The following NISCH variants were observed in gnomAD, a reference collection of about 807,000 sequenced individuals.
The protein encoded by NISCH is I-1 receptor candidate protein.
A neutral mutation model predicts 138.4 loss-of-function variants in NISCH; 55 were observed. The observed-to-expected ratio is 0.40, with a 90% confidence interval of 0.32 to 0.50. The LOEUF is 0.50. NISCH is among the 20% of genes least tolerant of loss of function. NISCH has a pLI of 0.71. For missense variants in NISCH, 1,643 were observed against 2,005.5 expected (o/e 0.82, Z 3.45); for synonymous variants, 860 against 861.5 (o/e 1.00, Z 0.03).
At chr3:52,476,396 G>C (rs569263332) in intron 7 of NISCH, 51 bp from the exon 8 acceptor site, 1 of 1,600,760 alleles carries the variant, frequency 6.2e-7, no homozygotes, top group East Asian at 2.2e-5. Flanking sequence ...TTCCCAGTGA[G>C]TGTTGCGTGA....
At chr3:52,458,941 G>A in intron 3 of NISCH, 97 bp downstream of exon 3, 1 of 1,092,496 alleles carries the variant, frequency 9.2e-7, no homozygotes, top group Non-Finnish European at 1.3e-6. Flanking sequence ...GAGGTGGGCT[G>A]GGGTTTGACC....
Position 52,488,403 on chromosome 3 carries a change from G to T in NISCH, c.2911G>T (p.Val971Leu). 6.2e-7 allele frequency: 1 copy of T among 1,613,824 alleles called. No homozygotes were observed. The highest frequency in any genetic ancestry group is 8.5e-7 in the Non-Finnish European group (1 of 1,180,016). ...QPRGAFADGH[V>L]LELLVGYRFV... is the part of the protein sequence containing the mutation. The stretch of plus-strand genomic sequence containing the variant: ...TCGGGGCGCCTTTGCTGATGGCCAC[G>T]TGCTAGAGCTGCTCGTGGGGTACCG... The change falls in exon 16 of 21, where the codon GTG (valine) becomes TTG (leucine). Residue 971 changes from valine (V) to leucine (L), a missense_variant. Physicochemically the swap from Val to Leu is conservative, Grantham distance 32. Coordinates refer to ENST00000345716, the MANE Select transcript of NISCH (RefSeq NM_007184.4).
At chr3:52,465,375 C>T (rs140011077) in intron 3 of NISCH, among the ~76,000 whole-genome samples, 1 of 152,326 alleles carries the variant, frequency 6.6e-6, no homozygotes, top group East Asian at 1.9e-4. Context: ...AGTGATCCAC[C>T]CACCTCGGCC....
At chr3:52,471,742 G>GGT (rs1706953911) in intron 4 of NISCH, 72 bp from the exon 5 acceptor site, 1 of 1,567,564 alleles carries the variant, frequency 6.4e-7, no homozygotes, top group Admixed American at 1.7e-5. Context: ...TGACAGAAAA[G>GGT]GTGGAAATCC....
chr3:52,490,078 GA>G lies in NISCH; in HGVS notation c.3464del (p.Asn1155ThrfsTer4). The G allele has an allele frequency of 6.2e-7, 1 of 1,613,558 alleles. No individual in the cohort carries two copies. The highest frequency in any genetic ancestry group is 8.5e-7 in the Non-Finnish European group (1 of 1,179,988). On this transcript the variant is annotated frameshift_variant, in exon 18 of 21. Transcript: ENST00000345716. LOFTEE classifies it high-confidence loss of function. ...ELFHSSIAEV[E>X]NEELRHLMWS... ...ACAGGAGGCCCCCCGTCTTCAGGTT[GA>G]AAACGAGGAGCTGAGGCACCTCATG...
At chr3:52,462,988 T>A (rs746594932) in intron 3 of NISCH, among the ~76,000 whole-genome samples, 4 of 152,226 alleles carry the variant, frequency 2.6e-5, no homozygotes, top group Non-Finnish European at 5.9e-5. Context: ...TAAAATTAAC[T>A]TTTTAATGTG....
chr3:52,478,006 G>T (rs983372809), intron 9 of NISCH, 91 bp from the exon 10 acceptor site: 1 of 1,355,424 alleles, frequency 7.4e-7, no homozygotes, highest in Non-Finnish European at 1.0e-6. Flanking sequence ...GGGTAGTTTG[G>T]GTTGGAAGGC....
chr3:52,478,142 T>A lies in NISCH; in HGVS notation c.1033T>A (p.Ser345Thr), dbSNP rs1461693215. 6.2e-7 allele frequency: 1 copy of A among 1,614,066 alleles called. No individual in the cohort carries two copies. The highest frequency in any genetic ancestry group is 8.5e-7 in the Non-Finnish European group (1 of 1,180,000). Residue 345 changes from serine to threonine, a missense_variant, in exon 10 of 21, where the codon TCC becomes ACC. By Grantham distance (58) the Ser-to-Thr change is moderately conservative. Coordinates refer to ENST00000345716, the MANE Select transcript of NISCH (RefSeq NM_007184.4). ...VHLDLSYNKL[S>T]SLEGLHTKLG... ...TCTGGACCTGTCCTACAACAAGCTC[T>A]CCTCCTTGGAAGGGCTTCACACCAA... is the stretch of plus-strand genomic sequence containing the variant.
At chr3:52,471,503 A>G (rs1345955181) in intron 4 of NISCH, 1 of 484,108 alleles carries the variant, frequency 2.1e-6, no homozygotes, top group Non-Finnish European at 3.7e-6. Context: ...GTCACCCAGA[A>G]TGCTGTCCCT....
chr3:52,468,316 C>T (rs1706845177), intron 3 of NISCH, among the ~76,000 whole-genome samples: 1 of 152,062 alleles, frequency 6.6e-6, no homozygotes, highest in South Asian at 2.1e-4. Flanking sequence ...CGTGGGGAAC[C>T]CTTTCTCCTG....
At chr3:52,464,656 C>T (rs911496107) in intron 3 of NISCH, among the ~76,000 whole-genome samples, 5 of 150,706 alleles carry the variant, frequency 3.3e-5, no homozygotes, top group Non-Finnish European at 7.4e-5. Flanking sequence ...TCCCAAGTAG[C>T]TGGGACTACA....
At chr3:52,480,132 G>A in intron 12 of NISCH, 52 bp from the exon 13 acceptor site, 1 of 1,605,682 alleles carries the variant, frequency 6.2e-7, no homozygotes, top group Non-Finnish European at 8.5e-7. Flanking sequence ...TGGCCTTGGG[G>A]AGCTCTGTGC....
intron 11 of NISCH, 133 bp downstream of exon 11, chr3:52,478,710 C>T: frequency 1.3e-6 from 1 of 792,886 alleles, no homozygotes; most frequent in Non-Finnish European, 2.0e-6. Flanking sequence ...CCCTTAGGGG[C>T]TTTTCAGTTC....
rs775683255 is a variant in NISCH at position 52,488,456 on chromosome 3, C to T, written c.2964C>T (p.Pro988=). Residue 988 remains proline (P), a synonymous_variant, in exon 16 of 21, where the codon CCC becomes CCT. Transcript: ENST00000345716. The part of the protein sequence containing the change: ...YRFVTAIFVL[P]HEKFHFLRVY... ...TTGTCACTGCCATCTTCGTGCTGCC[C>T]CACGAGAAGTTCCACTTCCTGCGCG... 3.7e-6 allele frequency: 6 copies of T among 1,613,690 alleles called. No individual in the cohort carries two copies. Among genetic ancestry groups the T allele is most frequent in the Non-Finnish European group, 5.1e-6 (6 of 1,180,010 alleles).
chr3:52,484,462 T>TTGGCGCCCCCCCC, intron 13 of NISCH, 51 bp from the exon 14 acceptor site: 1 of 788,670 alleles, frequency 1.3e-6, no homozygotes, highest in Non-Finnish European at 1.8e-6. Flanking sequence ...ACAGCCGCTC[T>TTGGCGCCCCCCCC]CCCCGCCCCA....
Position 52,492,236 on chromosome 3 carries a change from C to T in NISCH, c.4269C>T (p.Tyr1423=), listed in dbSNP as rs767130222. 4.9e-5 allele frequency: 79 copies of T among 1,613,192 alleles called. No homozygotes were observed. The highest frequency in any genetic ancestry group is 6.3e-5 in the Non-Finnish European group (74 of 1,180,034). Reference sequence around the variant, plus strand: ...ACCTGGACCGAGTGCTCATGGGCTACCAGACCTACCCGCAGGCCCTCACCC... The same window carrying T: ...ACCTGGACCGAGTGCTCATGGGCTATCAGACCTACCCGCAGGCCCTCACCC... The part of the protein sequence containing the change: ...VRDLDRVLMG[Y]QTYPQALTLV... The change falls in exon 21 of 21, where the codon TAC becomes TAT. Residue 1423 remains tyrosine (Y), a synonymous_variant. Transcript: ENST00000345716.
chr3:52,482,660 C>T (rs1400972993), intron 13 of NISCH, among the ~76,000 whole-genome samples: 1 of 152,214 alleles, frequency 6.6e-6, no homozygotes, highest in African/African-American at 2.4e-5. Context: ...GTCTCATAGT[C>T]GCTGTCAGCC....
chr3:52,460,233 G>C (rs1559622342), intron 3 of NISCH, among the ~76,000 whole-genome samples: 2 of 143,074 alleles, frequency 1.4e-5, no homozygotes, highest in Non-Finnish European at 3.0e-5. Flanking sequence ...CAGCCAGGCT[G>C]AGCACAGTGG....
chr3:52,479,588 A>C (rs1054865382), intron 11 of NISCH, among the ~76,000 whole-genome samples, 161 bp from the exon 12 acceptor site: 1 of 152,034 alleles, frequency 6.6e-6, no homozygotes, highest in African/African-American at 2.4e-5. Context: ...TGGTGTCCTC[A>C]CGTGGCCTGG....
Sources: allele counts gnomAD v4.1 joint callset (sites outside exome capture counted in the v4.1 genomes callset), GRCh38; gene constraint gnomAD v4.1.1; transcripts MANE v1.5; gene names NCBI Gene and HGNC (gene_info 2026-07-23, HGNC 2026-07-21).